CCDC190: variants seen among roughly 807,000 people sequenced by gnomAD.
The protein encoded by CCDC190 is coiled-coil domain-containing protein 190.
In CCDC190, 10 loss-of-function variants were observed where a neutral mutation model predicts 13.1. The ratio of observed to expected loss-of-function variants is 0.77; its 90% CI spans 0.47 to 1.30. The LOEUF (loss-of-function observed/expected upper bound fraction) is 1.30, where lower values mean the gene tolerates loss of function less well. CCDC190 is among the 50% of genes most tolerant of loss of function. CCDC190 has a pLI of 0.00. For synonymous variants in CCDC190, 136 were observed against 127.2 expected (o/e 1.07, Z -0.47); for missense variants, 375 against 354.3 (o/e 1.06, Z -0.47).
At chr1:162,862,659 TAGGAACACA>T (rs1650561705), upstream of CCDC190, among the ~76,000 whole-genome samples, 1 of 152,134 alleles carries the variant, frequency 6.6e-6, no homozygotes, top group African/African-American at 2.4e-5. Context: ...TATGGGAACA[TAGGAACACA>T]AGAATAGATA....
Position 162,855,120 on chromosome 1 carries a change from G to A in CCDC190, c.551C>T (p.Ser184Phe), listed in dbSNP as rs748156759. The stretch of plus-strand genomic sequence containing the variant: ...AGGACCTTGTTCTATGGTGTTGGTG[G>A]AAACCTCTTGATTTTGGCATGGAAC... ...ISVPCQNQEV[S>F]TNTIEQGPSS... The change falls in exon 4 of 4, where the codon TCC becomes TTC. Residue 184 changes from serine to phenylalanine, a missense_variant. By Grantham distance (155) the Ser-to-Phe change is radical. Transcript: ENST00000367912. 2.5e-6 allele frequency: 4 copies of A among 1,613,792 alleles called. No individual in the cohort carries two copies. Among genetic ancestry groups the A allele is most frequent in the Non-Finnish European group, 3.4e-6 (4 of 1,179,852 alleles).
At chr1:162,860,148 C>T (rs1398782086) in intron 1 of CCDC190, among the ~76,000 whole-genome samples, 1 of 152,166 alleles carries the variant, frequency 6.6e-6, no homozygotes. Flanking sequence ...TGCGTAGGTT[C>T]ATTCAGCCTG....
intron 1 of CCDC190, among the ~76,000 whole-genome samples, chr1:162,860,111 C>T (rs1650452417): frequency 3.3e-5 from 5 of 152,206 alleles, no homozygotes. Flanking sequence ...TTCCTTCCCA[C>T]ACCCTGCCAG....
chr1:162,860,706 C>T lies in CCDC190; in HGVS notation c.-13+302G>A, dbSNP rs150288195. 6.0e-3 allele frequency among the ~76,000 whole-genome samples: 912 copies of T among 152,094 alleles called. 15 individuals carry two copies. The highest frequency in any genetic ancestry group is 0.021 in the African/African-American group (863 of 41,468). On this transcript the variant is annotated intron_variant, in intron 1 of 3. Coordinates refer to ENST00000367912, the MANE Select transcript of CCDC190 (RefSeq NM_001394065.1). ...CCTTGTAGCTTGGACTACAGGCCTG[C>T]ACCACCACGCCTGGCTAACTTTTTA...
upstream of CCDC190, among the ~76,000 whole-genome samples, chr1:162,861,762 A>G (rs1325294883): frequency 6.6e-6 from 1 of 152,170 alleles, no homozygotes; most frequent in Non-Finnish European, 1.5e-5. Flanking sequence ...GCTATTGTTT[A>G]TATAACAAGA....
chr1:162,854,754 A>G lies in CCDC190; in HGVS notation c.*11T>C, dbSNP rs373112550. 9.8e-5 allele frequency: 157 copies of G among 1,593,940 alleles called. No homozygotes were observed. The highest frequency in any genetic ancestry group is 1.1e-4 in the African/African-American group (8 of 74,474). On this transcript the variant is annotated 3_prime_UTR_variant, in exon 4 of 4. Coordinates refer to ENST00000367912, the MANE Select transcript of CCDC190 (RefSeq NM_001394065.1). ...TAATGGCATATGTTATTGTCAGGCT[A>G]TGTTAAACGGTTAGAGAGGAAGAAA... is the stretch of plus-strand genomic sequence containing the variant.
chr1:162,866,758 C>T (rs1557811516), intron 1 of CCDC190, among the ~76,000 whole-genome samples: 1 of 56,478 alleles, frequency 1.8e-5, no homozygotes, highest in African/African-American at 3.4e-5. Flanking sequence ...TGTAGGATCA[C>T]TACCACAGAG....
chr1:162,860,140 C>T (rs192302520), intron 1 of CCDC190, among the ~76,000 whole-genome samples: 71 of 152,258 alleles, frequency 4.7e-4, no homozygotes, highest in South Asian at 1.0e-3. Context: ...TTCACATATG[C>T]GTAGGTTCAT....
chr1:162,856,375 C>A (rs1455829046), intron 2 of CCDC190, among the ~76,000 whole-genome samples: 1 of 152,156 alleles, frequency 6.6e-6, no homozygotes, highest in Non-Finnish European at 1.5e-5. Flanking sequence ...GAGGTTTAAA[C>A]CAGCTAAGCC....
At position 162,852,345 on chromosome 1, in the gene CCDC190, G is replaced by A. The variant is rs562239001; in HGVS notation, c.*2420C>T. On this transcript the variant is annotated 3_prime_UTR_variant, in exon 4 of 4. Coordinates refer to ENST00000367912, the MANE Select transcript of CCDC190 (RefSeq NM_001394065.1). ...AGTAAAGTGGCCATGGACTGGTCGA[G>A]AGCAAGCCATCCTAGAGCACCGTGT... The A allele has an allele frequency of 8.5e-5, 13 of 152,380 alleles. No homozygotes were observed. The highest frequency in any genetic ancestry group is 2.6e-4 in the African/African-American group (11 of 41,578). 9.4% of individuals were successfully genotyped at this position (152,380 alleles called of 1,614,324 possible). A position where few individuals can be genotyped will look rare whatever the true frequency, so the allele number is the denominator to read the frequency against.
chr1:162,853,231 GA>G lies in CCDC190; in HGVS notation c.*1533del, dbSNP rs1650173969. 1 of 1,244,282 alleles carries G rather than the reference GA, an allele frequency of 8.0e-7. No homozygotes were observed. The highest frequency in any genetic ancestry group is 1.5e-5 in the African/African-American group (1 of 66,184). 77.1% of individuals were successfully genotyped at this position (1,244,282 alleles called of 1,614,324 possible). ...CAGATAGGTGGTAGTGTGGTGTAAT[GA>G]AAGAGCATGAGCAAGGAAATTGAGT... On this transcript the variant is annotated 3_prime_UTR_variant, in exon 4 of 4. Transcript: ENST00000367912.
rs1558109670 is a variant in CCDC190, at chr1:162,853,814, G to A, written c.*951C>T. ...GGGGCAAGATGGTTTTCCTGATAGA[G>A]TCAGTATAGATAAAAAGTGGTGATG... is the stretch of plus-strand genomic sequence containing the variant. On this transcript the variant is annotated 3_prime_UTR_variant, in exon 4 of 4. Coordinates refer to ENST00000367912, the MANE Select transcript of CCDC190 (RefSeq NM_001394065.1). Among the ~76,000 whole-genome samples the A allele has an allele frequency of 6.6e-6, 1 of 152,200 alleles. No homozygotes were observed. The highest frequency in any genetic ancestry group is 1.5e-5 in the Non-Finnish European group (1 of 68,036).
intron 2 of CCDC190, 60 bp downstream of exon 2, chr1:162,859,400 T>G: frequency 6.8e-7 from 1 of 1,480,092 alleles, no homozygotes; most frequent in Non-Finnish European, 9.2e-7. Flanking sequence ...AGCGGAGTGA[T>G]GGGCCTGCTG....
chr1:162,854,462 C>G lies in CCDC190; in HGVS notation c.*303G>C. On this transcript the variant is annotated 3_prime_UTR_variant, in exon 4 of 4. Transcript: ENST00000367912. ...ATCTCCTAGAGGAAACAGGAAGTCC[C>G]TGAAAGCAAGACTGTTACTGTTTTC... 1.7e-5 allele frequency: 19 copies of G among 1,103,914 alleles called. No individual in the cohort carries two copies. Among genetic ancestry groups the G allele is most frequent in the Non-Finnish European group, 2.1e-5 (19 of 904,760 alleles). The allele number at this position is 1,103,914 out of a possible 1,614,324, so 68.4% of individuals were successfully genotyped here. A position where few individuals can be genotyped will look rare whatever the true frequency, so the allele number is the denominator to read the frequency against.
rs1650146205 is a variant in CCDC190, at chr1:162,852,620, T to C, written c.*2145A>G. The stretch of plus-strand genomic sequence containing the variant: ...ATTTAAAACAGGATGTACTAAAATA[T>C]TGATTTTAGAAGTGCAGACAGATCT... On this transcript the variant is annotated 3_prime_UTR_variant, in exon 4 of 4. Coordinates refer to ENST00000367912, the MANE Select transcript of CCDC190 (RefSeq NM_001394065.1). 6.5e-6 allele frequency: 1 copy of C among 153,066 alleles called. No individual in the cohort carries two copies. The highest frequency in any genetic ancestry group is 1.5e-5 in the Non-Finnish European group (1 of 68,642). The allele number at this position is 153,066 out of a possible 1,614,324, so 9.5% of individuals were successfully genotyped here.
upstream of CCDC190, among the ~76,000 whole-genome samples, chr1:162,862,147 C>T (rs989700681): frequency 2.0e-5 from 3 of 152,024 alleles, no homozygotes; most frequent in Non-Finnish European, 2.9e-5. Flanking sequence ...GGGATTGTAC[C>T]CCCAGCTAGA....
chr1:162,864,706 AC>A (rs1650639344), upstream of CCDC190, among the ~76,000 whole-genome samples: 2 of 152,230 alleles, frequency 1.3e-5, no homozygotes, highest in South Asian at 4.1e-4. Flanking sequence ...AAAGCTGTAT[AC>A]TCTACACTCT....
rs2102256467 is a variant in CCDC190, at chr1:162,852,897, T to G, written c.*1868A>C. The G allele has an allele frequency of 5.4e-6, 3 of 553,892 alleles. No homozygotes were observed. The East Asian group carries it at 8.8e-5, about 16-fold the overall frequency. 34.3% of individuals were successfully genotyped at this position (553,892 alleles called of 1,614,324 possible). On this transcript the variant is annotated 3_prime_UTR_variant, in exon 4 of 4. Coordinates refer to ENST00000367912, the MANE Select transcript of CCDC190 (RefSeq NM_001394065.1). ...AATTGTGATGACGATAGGCAAGGCTTGCGTAGAAGACAAGAAGAAAGAACT... is the reference window on the plus strand; with the variant it reads ...AATTGTGATGACGATAGGCAAGGCTGGCGTAGAAGACAAGAAGAAAGAACT...
Position 162,855,184 on chromosome 1 carries a change from T to C in CCDC190, c.487A>G (p.Asn163Asp), listed in dbSNP as rs781561938. 6.2e-7 allele frequency: 1 copy of C among 1,613,964 alleles called. No individual in the cohort carries two copies. Among genetic ancestry groups the C allele is most frequent in the Admixed American group, 1.7e-5 (1 of 60,016 alleles). Residue 163 changes from asparagine (N) to aspartate (D), a missense_variant, in exon 4 of 4, where the codon AAT becomes GAT. Asn to Asp is a conservative substitution (Grantham distance 23). Coordinates refer to ENST00000367912, the MANE Select transcript of CCDC190 (RefSeq NM_001394065.1). Reference sequence around the variant, plus strand: ...CTGGGGTCTACGTCCTTAGATGGATTCACAGAATCTTTCTCTTGGGCTTGT... The same window carrying C: ...CTGGGGTCTACGTCCTTAGATGGATCCACAGAATCTTTCTCTTGGGCTTGT... ...QPQAQEKDSVNPSKDVDPSKG... is the reference protein window; with the variant it reads ...QPQAQEKDSVDPSKDVDPSKG...
Sources: gnomAD v4.1 joint callset for allele counts (sites outside exome capture counted in the v4.1 genomes callset) on GRCh38, gnomAD v4.1.1 for gene constraint, MANE v1.5 for transcripts, NCBI Gene and HGNC (gene_info 2026-07-23, HGNC 2026-07-21) for gene names.